Variants in BRINP1 observed in about 807,000 individuals in gnomAD.
BRINP1 encodes the protein BMP/retinoic acid inducible neural specific 1.
In BRINP1, 17 loss-of-function variants were observed where a neutral mutation model predicts 72.9. The observed-to-expected ratio is 0.23, with a 90% CI of 0.16 to 0.35. The LOEUF is 0.35. Among genes scored for constraint, BRINP1 ranks in the 10% least tolerant of loss-of-function variants. The pLI is 1.00. For synonymous variants in BRINP1, 418 were observed against 378.5 expected (o/e 1.10, Z -1.21); for missense variants, 850 against 1,001.6 (o/e 0.85, Z 2.04).
chr9:119,311,283 A>G (rs1831064066), intron 2 of BRINP1, among the ~76,000 whole-genome samples: 1 of 152,238 alleles, frequency 6.6e-6, no homozygotes, highest in South Asian at 2.1e-4. Flanking sequence ...TTCTGGGTTG[A>G]ACTCTGTCAT....
chr9:119,245,400 C>T (rs1345747588), intron 3 of BRINP1, among the ~76,000 whole-genome samples: 2 of 152,188 alleles, frequency 1.3e-5, no homozygotes, highest in East Asian at 3.9e-4. Context: ...CATAGTCATA[C>T]ATCCAAGCTT....
At chr9:119,204,881 C>G (rs957147115) in intron 7 of BRINP1, among the ~76,000 whole-genome samples, 37 of 152,376 alleles carry the variant, frequency 2.4e-4, no homozygotes, top group African/African-American at 7.9e-4. Context: ...CTTGTTCCCT[C>G]TTTCCCTCTC....
intron 1 of BRINP1, among the ~76,000 whole-genome samples, chr9:119,342,338 A>G (rs1180624780): frequency 2.0e-5 from 3 of 152,250 alleles, no homozygotes; most frequent in Non-Finnish European, 4.4e-5. Flanking sequence ...GATTGAAAAG[A>G]CAATAGAAAC....
At position 119,362,969 on chromosome 9, in the gene BRINP1, C is replaced by T. The variant is rs545016963; in HGVS notation, c.-51+6087G>A. ...ACTCTCCTGTACAGGCCATTGTGAT[C>T]TGCCCCTGCCTACCTTCCTAATTCC... On this transcript the variant is annotated intron_variant, in intron 1 of 7. Coordinates refer to ENST00000265922, the MANE Select transcript of BRINP1 (RefSeq NM_014618.3). Among the ~76,000 whole-genome samples, 33 of 152,332 alleles carry T rather than the reference C, an allele frequency of 2.2e-4. 2 individuals carry two copies. In the South Asian group the frequency reaches 3.1e-3, roughly 14 times the overall value.
At chr9:119,289,220 T>C (rs1012494344) in intron 2 of BRINP1, among the ~76,000 whole-genome samples, 5 of 152,218 alleles carry the variant, frequency 3.3e-5, no homozygotes, top group Non-Finnish European at 4.4e-5. Context: ...GGCAGGGCAA[T>C]GTGAATGAAA....
At chr9:119,249,805 TGGAAGGAA>T (rs1348208106) in intron 2 of BRINP1, among the ~76,000 whole-genome samples, 36 of 31,570 alleles carry the variant, frequency 1.1e-3, no homozygotes, top group African/African-American at 3.4e-3. Flanking sequence ...AATAAACAAA[TGGAAGGAA>T]GGAAGGAAGG....
At chr9:119,307,462 G>A (rs1831010534) in intron 2 of BRINP1, among the ~76,000 whole-genome samples, 1 of 152,056 alleles carries the variant, frequency 6.6e-6, no homozygotes, top group South Asian at 2.1e-4. Context: ...CCAAACTTGG[G>A]AATTTGAAAT....
chr9:119,200,571 C>A (rs746536548), intron 7 of BRINP1, among the ~76,000 whole-genome samples: 3 of 145,616 alleles, frequency 2.1e-5, no homozygotes, highest in Non-Finnish European at 3.0e-5. Flanking sequence ...CTACAGTGAG[C>A]TATGATCATA....
At chr9:119,361,797 A>ATTTTTT (rs869281749) in intron 1 of BRINP1, among the ~76,000 whole-genome samples, 1 of 64,470 alleles carries the variant, frequency 1.6e-5, no homozygotes, top group Non-Finnish European at 2.8e-5. Context: ...CAGTTTTTGC[A>ATTTTTT]TTTTTTTTTT....
chr9:119,306,955 A>T (rs1831003170), intron 2 of BRINP1, among the ~76,000 whole-genome samples: 1 of 152,030 alleles, frequency 6.6e-6, no homozygotes, highest in Admixed American at 6.6e-5. Flanking sequence ...GAAGACCAAA[A>T]TCTAAGACCA....
chr9:119,283,054 A>T, intron 2 of BRINP1: 15 of 985,450 alleles, frequency 1.5e-5, no homozygotes, highest in Non-Finnish European at 1.7e-5. Context: ...GACCAAGGAT[A>T]CAGAGTTACG....
rs56756136 is a variant in BRINP1 at position 119,318,844 on chromosome 9, G to GGTGTGT, written c.-50-5445_-50-5440dup. 6.9e-3 allele frequency among the ~76,000 whole-genome samples: 977 copies of GGTGTGT among 142,218 alleles called. 14 individuals are homozygous for GGTGTGT. Among genetic ancestry groups the GGTGTGT allele is most frequent in the African/African-American group, 0.021 (822 of 38,476 alleles). 93.3% of individuals were successfully genotyped at this position (142,218 alleles called of 152,430 possible). ...TCATACATGGAAGAGAAATGTGTGG[G>GGTGTGT]GTGTGTGTGTGTGTGTGTGTGTGTG... On this transcript the variant is annotated intron_variant, in intron 1 of 7. Transcript: ENST00000265922.
chr9:119,227,159 T>C (rs950507457), intron 5 of BRINP1, among the ~76,000 whole-genome samples: 1 of 152,066 alleles, frequency 6.6e-6, no homozygotes, highest in Non-Finnish European at 1.5e-5. Flanking sequence ...TTCTATGTGA[T>C]TTCCAAATAA....
intron 7 of BRINP1, among the ~76,000 whole-genome samples, chr9:119,175,925 C>A (rs2118831078): frequency 6.6e-6 from 1 of 152,308 alleles, no homozygotes; most frequent in South Asian, 2.1e-4. Flanking sequence ...TGAGGTCAGT[C>A]AGAGACAGCT....
chr9:119,305,725 A>G (rs1306862330), intron 2 of BRINP1, among the ~76,000 whole-genome samples: 1 of 152,152 alleles, frequency 6.6e-6, no homozygotes, highest in Non-Finnish European at 1.5e-5. Context: ...CTACACCCAC[A>G]GAGCTTCAGT....
At chr9:119,229,451 A>G (rs1448478028) in intron 5 of BRINP1, among the ~76,000 whole-genome samples, 4 of 152,104 alleles carry the variant, frequency 2.6e-5, no homozygotes, top group Non-Finnish European at 4.4e-5. Context: ...AGCAAATGGT[A>G]GAACTAGTAC....
At chr9:119,262,024 T>G (rs985736166) in intron 2 of BRINP1, among the ~76,000 whole-genome samples, 1 of 152,190 alleles carries the variant, frequency 6.6e-6, no homozygotes, top group African/African-American at 2.4e-5. Context: ...TAAGCATAAA[T>G]GTATGTTGGT....
chr9:119,288,329 G>C (rs1159916836), intron 2 of BRINP1, among the ~76,000 whole-genome samples: 1 of 149,616 alleles, frequency 6.7e-6, no homozygotes, highest in Non-Finnish European at 1.5e-5. Context: ...TCACAACTAG[G>C]TACTTATTTT....
At chr9:119,218,206 T>A (rs1483110267) in intron 5 of BRINP1, among the ~76,000 whole-genome samples, 2 of 4,970 alleles carry the variant, frequency 4.0e-4, no homozygotes, top group South Asian at 6.8e-3. Context: ...AAATAAATAT[T>A]TTTTTTTTTT....
Sources: allele counts gnomAD v4.1 joint callset (sites outside exome capture counted in the v4.1 genomes callset), GRCh38; gene constraint gnomAD v4.1.1; transcripts MANE v1.5; gene names NCBI Gene and HGNC (gene_info 2026-07-23, HGNC 2026-07-21).